ZC3H12B: variants seen among roughly 807,000 people sequenced by gnomAD.
ZC3H12B encodes zinc finger CCCH-type containing 12B.
In ZC3H12B, 7 loss-of-function variants were observed where a neutral mutation model predicts 43.9. The ratio of observed to expected loss-of-function variants is 0.16; its 90% CI spans 0.09 to 0.30. The LOEUF (loss-of-function observed/expected upper bound fraction) is 0.30, where lower values mean the gene tolerates loss of function less well. Ranked by LOEUF, ZC3H12B falls within the 10% of genes least tolerant of loss-of-function variation. The pLI is 1.00. For synonymous variants in ZC3H12B, 222 were observed against 241.7 expected (o/e 0.92, Z 0.76); for missense variants, 475 against 670.2 (o/e 0.71, Z 3.22).
chrX:65,239,397 G>A, the ZC3H12B span, among the ~76,000 whole-genome samples: 1 of 108,845 alleles, frequency 9.2e-6, no homozygotes, highest in East Asian at 2.9e-4. Flanking sequence ...TGCAACACCT[G>A]CTCTTTTTTT....
chrX:65,489,512 T>A, intron 1 of ZC3H12B, 103 bp downstream of exon 6: 1 of 965,481 alleles, frequency 1.0e-6, no homozygotes, highest in Non-Finnish European at 1.4e-6. Context: ...GGCTATTGAC[T>A]GTGGCGTGTG....
chrX:65,488,417 C>G (rs6624798), upstream of ZC3H12B, among the ~76,000 whole-genome samples: 6,963 of 74,229 alleles, frequency 0.094, 996 homozygotes, highest in African/African-American at 0.34. Context: ...GCGACAGGAG[C>G]GGGTGGGGGG....
chrX:65,160,495 T>G, the ZC3H12B span, among the ~76,000 whole-genome samples: 6 of 111,843 alleles, frequency 5.4e-5, 1 homozygote, highest in African/African-American at 9.7e-5. Flanking sequence ...CTTGGGAGGT[T>G]GTATGTGTCG....
At chrX:65,492,527 C>T (rs757293112) in intron 1 of ZC3H12B, among the ~76,000 whole-genome samples, 77 of 111,654 alleles carry the variant, frequency 6.9e-4, no homozygotes, top group Admixed American at 1.8e-3. Flanking sequence ...GCAGAGTAGA[C>T]CATGTAATTT....
chrX:65,178,782 G>C, the ZC3H12B span, among the ~76,000 whole-genome samples: 3 of 112,152 alleles, frequency 2.7e-5, no homozygotes, highest in Non-Finnish European at 5.6e-5. Flanking sequence ...AGAGGATGTG[G>C]AGAAATAGGA....
chrX:65,229,064 C>T, the ZC3H12B span, among the ~76,000 whole-genome samples: 2 of 110,255 alleles, frequency 1.8e-5, no homozygotes, highest in Non-Finnish European at 3.8e-5. Flanking sequence ...AAAAAAGAGC[C>T]CACATCGCCA....
chrX:65,501,742 G>A (rs2068369417), intron 4 of ZC3H12B, 47 bp from the exon 10 acceptor site: 2 of 1,074,246 alleles, frequency 1.9e-6, no homozygotes, highest in South Asian at 4.7e-5. Flanking sequence ...TGGCACAGAG[G>A]GTTCCATCAC....
At chrX:65,198,593 A>G in the ZC3H12B span, among the ~76,000 whole-genome samples, 1 of 111,762 alleles carries the variant, frequency 8.9e-6, no homozygotes, top group African/African-American at 3.3e-5. Context: ...GTTTCTACTG[A>G]AAAGTCTGTT....
At chrX:65,120,084 G>C in the ZC3H12B span, among the ~76,000 whole-genome samples, 1 of 111,943 alleles carries the variant, frequency 8.9e-6, no homozygotes, top group Non-Finnish European at 1.9e-5. Context: ...GTAGCGTGAT[G>C]CCTCTAGCTT....
chrX:65,242,445 A>G, the ZC3H12B span, among the ~76,000 whole-genome samples: 28 of 111,818 alleles, frequency 2.5e-4, no homozygotes, highest in African/African-American at 7.5e-4. Flanking sequence ...GAAATGAGAG[A>G]TCTCTATAAT....
chrX:65,094,389 A>G, the ZC3H12B span, among the ~76,000 whole-genome samples: 1 of 110,846 alleles, frequency 9.0e-6, no homozygotes, highest in Non-Finnish European at 1.9e-5. Flanking sequence ...AAACCTATAG[A>G]GGAAGCAGTG....
the ZC3H12B span, among the ~76,000 whole-genome samples, chrX:65,255,065 T>A: frequency 1.8e-5 from 2 of 111,885 alleles, no homozygotes; most frequent in African/African-American, 6.5e-5. Flanking sequence ...TGGAATTATA[T>A]AAATAGACCA....
intron 3 of ZC3H12B, among the ~76,000 whole-genome samples, chrX:65,458,932 G>A (rs1414792975): frequency 9.0e-6 from 1 of 110,914 alleles, no homozygotes; most frequent in African/African-American, 3.3e-5. Context: ...CTGGTTTTTT[G>A]AAAAGATCAA....
chrX:65,170,117 T>C, the ZC3H12B span, among the ~76,000 whole-genome samples: 1 of 112,026 alleles, frequency 8.9e-6, no homozygotes, highest in Non-Finnish European at 1.9e-5. Context: ...TGCTGCAGTT[T>C]CTTCCTAGCA....
the ZC3H12B span, among the ~76,000 whole-genome samples, chrX:65,277,612 A>G: frequency 8.9e-6 from 1 of 112,261 alleles, no homozygotes. Context: ...ATGCTTTTCA[A>G]TAAGCAATGA....
the ZC3H12B span, among the ~76,000 whole-genome samples, chrX:65,355,772 T>C: frequency 9.0e-6 from 1 of 111,114 alleles, no homozygotes; most frequent in Non-Finnish European, 1.9e-5. Flanking sequence ...CTGGCCAACA[T>C]GGTGAAACCC....
At chrX:65,389,059 C>T (rs1363184277) in intron 2 of ZC3H12B, among the ~76,000 whole-genome samples, 4 of 112,163 alleles carry the variant, frequency 3.6e-5, no homozygotes, top group Non-Finnish European at 7.5e-5. Flanking sequence ...TGGGGTGTGC[C>T]TCCCAGTTAG....
At chrX:65,064,094 A>C in the ZC3H12B span, among the ~76,000 whole-genome samples, 3 of 111,762 alleles carry the variant, frequency 2.7e-5, no homozygotes, top group South Asian at 1.1e-3. Context: ...TAATCTTTTC[A>C]AAAAACCAGC....
At chrX:65,098,892 C>T in the ZC3H12B span, among the ~76,000 whole-genome samples, 4 of 110,594 alleles carry the variant, frequency 3.6e-5, no homozygotes, top group Non-Finnish European at 7.6e-5. Flanking sequence ...ATTGTTCACT[C>T]CTCCGAAAAG....
Sources: allele counts gnomAD v4.1 joint callset (sites outside exome capture counted in the v4.1 genomes callset), GRCh38; gene constraint gnomAD v4.1.1; transcripts MANE v1.5; gene names NCBI Gene and HGNC (gene_info 2026-07-23, HGNC 2026-07-21).